Variants in CSMD1 observed in about 807,000 individuals in gnomAD.
The protein encoded by CSMD1 is CUB and sushi domain-containing protein 1.
Under a neutral mutation model 417.5 loss-of-function variants are expected in CSMD1, and 213 were observed. The ratio of observed to expected loss-of-function variants is 0.51; its 90% CI spans 0.46 to 0.57. The LOEUF is 0.57. Ranked by LOEUF, CSMD1 falls within the 20% of genes least tolerant of loss-of-function variation. The pLI, the probability that CSMD1 is intolerant of heterozygous loss-of-function variation, is 0.00. For synonymous variants in CSMD1, 2,862 were observed against 1,736.8 expected (o/e 1.65, Z -16.11); for missense variants, 6,923 against 4,529.7 (o/e 1.53, Z -15.17).
chr8:4,734,696 G>A (rs958512971), intron 1 of CSMD1, among the ~76,000 whole-genome samples: 5 of 152,096 alleles, frequency 3.3e-5, no homozygotes, highest in African/African-American at 7.2e-5. Flanking sequence ...TGAGTGGGCC[G>A]TTCAAGCAAA....
At chr8:3,203,476 G>A (rs902915908) in intron 31 of CSMD1, among the ~76,000 whole-genome samples, 1 of 152,192 alleles carries the variant, frequency 6.6e-6, no homozygotes, top group East Asian at 1.9e-4. Context: ...GCTTCATGGT[G>A]AGGGGATGGC....
intron 2 of CSMD1, among the ~76,000 whole-genome samples, chr8:4,469,324 G>A (rs895104016): frequency 9.2e-5 from 14 of 152,246 alleles, no homozygotes; most frequent in African/African-American, 3.4e-4. Context: ...ATTATTTTCG[G>A]CTTTCTGAAA....
chr8:3,699,892 TG>T (rs1015910138), intron 7 of CSMD1, among the ~76,000 whole-genome samples: 17 of 131,136 alleles, frequency 1.3e-4, no homozygotes, highest in African/African-American at 4.7e-4. Flanking sequence ...GCTACATCCC[TG>T]GGTTATATCC....
intron 3 of CSMD1, among the ~76,000 whole-genome samples, chr8:4,338,996 T>C (rs2128894340): frequency 6.6e-6 from 1 of 152,246 alleles, no homozygotes; most frequent in East Asian, 1.9e-4. Flanking sequence ...TTTGAGATTC[T>C]GTGAAAAGCA....
chr8:3,939,455 T>C (rs1207606465), intron 5 of CSMD1, among the ~76,000 whole-genome samples: 1 of 152,120 alleles, frequency 6.6e-6, no homozygotes, highest in African/African-American at 2.4e-5. Context: ...AGTACGGAGA[T>C]TCCTTAAAGA....
chr8:4,899,719 C>T (rs981998535), intron 1 of CSMD1, among the ~76,000 whole-genome samples: 2 of 152,168 alleles, frequency 1.3e-5, no homozygotes, highest in Non-Finnish European at 2.9e-5. Context: ...CTAATCATAT[C>T]TCACTGGACC....
At chr8:4,461,562 G>A (rs777582924) in intron 2 of CSMD1, among the ~76,000 whole-genome samples, 1 of 148,450 alleles carries the variant, frequency 6.7e-6, no homozygotes, top group Non-Finnish European at 1.5e-5. Flanking sequence ...GGGTGGGGGT[G>A]GGGTGTTGGG....
intron 2 of CSMD1, among the ~76,000 whole-genome samples, chr8:4,609,786 A>G (rs534121179): frequency 6.6e-6 from 1 of 152,318 alleles, no homozygotes; most frequent in South Asian, 2.1e-4. Context: ...ACAAACAAAC[A>G]AATCCAGATT....
At chr8:4,313,024 T>G (rs1309138119) in intron 3 of CSMD1, among the ~76,000 whole-genome samples, 3 of 152,082 alleles carry the variant, frequency 2.0e-5, no homozygotes, top group African/African-American at 7.2e-5. Flanking sequence ...TAGAGAATGA[T>G]TCACATAAAT....
At chr8:3,257,389 T>G (rs1585823664) in intron 26 of CSMD1, among the ~76,000 whole-genome samples, 1 of 152,188 alleles carries the variant, frequency 6.6e-6, no homozygotes. Flanking sequence ...GACACATCAA[T>G]CAACAAATTA....
At chr8:4,962,431 G>A (rs1027446134) in intron 1 of CSMD1, among the ~76,000 whole-genome samples, 1 of 152,004 alleles carries the variant, frequency 6.6e-6, no homozygotes, top group Non-Finnish European at 1.5e-5. Flanking sequence ...AGCTGGCCTT[G>A]AACTACTGCC....
At chr8:3,983,135 C>CTTTTT (rs201667296) in intron 5 of CSMD1, among the ~76,000 whole-genome samples, 12 of 133,510 alleles carry the variant, frequency 9.0e-5, no homozygotes, top group African/African-American at 1.2e-4. Context: ...ATCTTTCTTT[C>CTTTTT]TTTTTTTTTT....
At chr8:3,439,338 T>A (rs1814817428) in intron 12 of CSMD1, among the ~76,000 whole-genome samples, 1 of 142,186 alleles carries the variant, frequency 7.0e-6, no homozygotes, top group Admixed American at 7.3e-5. Context: ...ATTTTTAATT[T>A]TGGACATTTT....
intron 2 of CSMD1, among the ~76,000 whole-genome samples, chr8:4,485,470 C>T (rs1235668942): frequency 6.6e-6 from 1 of 152,118 alleles, no homozygotes; most frequent in East Asian, 1.9e-4. Flanking sequence ...AAATATGTGT[C>T]TGGGCTGGGC....
intron 3 of CSMD1, among the ~76,000 whole-genome samples, chr8:4,234,193 A>T (rs1009178495): frequency 6.6e-6 from 1 of 152,200 alleles, no homozygotes; most frequent in African/African-American, 2.4e-5. Context: ...TTAGACCAAG[A>T]AAGATGAACA....
intron 1 of CSMD1, among the ~76,000 whole-genome samples, chr8:4,910,851 G>A (rs1469576984): frequency 7.2e-5 from 11 of 152,138 alleles, no homozygotes; most frequent in Non-Finnish European, 2.9e-5. Context: ...GTTTGGCTGT[G>A]TCCCCACCCA....
intron 1 of CSMD1, among the ~76,000 whole-genome samples, chr8:4,859,924 G>T (rs1802025186): frequency 6.6e-6 from 1 of 152,098 alleles, no homozygotes. Context: ...ATACCCAAAG[G>T]ATTATAAATC....
intron 3 of CSMD1, among the ~76,000 whole-genome samples, chr8:4,076,701 C>G (rs934825803): frequency 3.3e-4 from 50 of 152,188 alleles, no homozygotes; most frequent in Non-Finnish European, 5.0e-4. Flanking sequence ...CATATCTTGT[C>G]TTTCACTGCT....
intron 3 of CSMD1, among the ~76,000 whole-genome samples, chr8:4,107,083 G>T (rs1013699860): frequency 1.3e-5 from 2 of 152,094 alleles, no homozygotes; most frequent in African/African-American, 4.8e-5. Flanking sequence ...ACGACAACAT[G>T]AACAAGGTGA....
Sources: allele counts gnomAD v4.1 joint callset (sites outside exome capture counted in the v4.1 genomes callset), GRCh38; gene constraint gnomAD v4.1.1; transcripts MANE v1.5; gene names NCBI Gene and HGNC (gene_info 2026-07-23, HGNC 2026-07-21).